Variants in TMOD1 observed in about 807,000 individuals in gnomAD.
The protein encoded by TMOD1 is tropomodulin 1.
TMOD1 carries 17 observed loss-of-function variants against 40.6 expected under a neutral mutation model. The ratio of observed to expected loss-of-function variants is 0.42; its 90% CI spans 0.29 to 0.63. The LOEUF (loss-of-function observed/expected upper bound fraction) is 0.63, where lower values mean the gene tolerates loss of function less well. Ranked by LOEUF, TMOD1 falls within the 20% of genes least tolerant of loss-of-function variation. TMOD1 has a pLI of 0.22. For missense variants in TMOD1, 391 were observed against 447.6 expected (o/e 0.87, Z 1.14); for synonymous variants, 181 against 175.0 (o/e 1.03, Z -0.27).
chr9:97,585,008 A>G (rs1825839735), intron 8 of TMOD1, among the ~76,000 whole-genome samples: 1 of 152,150 alleles, frequency 6.6e-6, no homozygotes, highest in African/African-American at 2.4e-5. Flanking sequence ...ATTTACATTT[A>G]AAGTTAATAT....
intron 8 of TMOD1, among the ~76,000 whole-genome samples, chr9:97,588,863 A>G (rs1486809647): frequency 4.6e-5 from 7 of 152,270 alleles, no homozygotes; most frequent in South Asian, 2.1e-4. Context: ...GCTCACGCCT[A>G]TGATCCCAGA....
At chr9:97,555,601 T>C (rs1830525165) in intron 4 of TMOD1, 12 of 1,549,910 alleles carry the variant, frequency 7.7e-6, no homozygotes, top group East Asian at 2.4e-5. Context: ...CAGTGTTAAC[T>C]GGCTAACCTT....
In TMOD1 at chr9:97,508,442, G is replaced by A. The variant is rs151081386; in HGVS notation, c.-49+6639G>A. On this transcript the variant is annotated intron_variant, in intron 1 of 9. Coordinates refer to ENST00000259365, the MANE Select transcript of TMOD1 (RefSeq NM_003275.4). ...TGACCTCAGGTGATCCACCCACCTC[G>A]GCCTCCCACAGTGCTGGAATTACAG... 8.8e-3 allele frequency among the ~76,000 whole-genome samples: 1,336 copies of A among 152,122 alleles called. 19 individuals carry two copies. Among genetic ancestry groups the A allele is most frequent in the African/African-American group, 0.031 (1,280 of 41,486 alleles).
chr9:97,594,292 A>G (rs1826060315), intron 9 of TMOD1, among the ~76,000 whole-genome samples: 1 of 152,252 alleles, frequency 6.6e-6, no homozygotes, highest in Admixed American at 6.5e-5. Flanking sequence ...ATTTGCGCCC[A>G]TCTGCTAATT....
intron 6 of TMOD1, 61 bp from the exon 7 acceptor site, chr9:97,565,787 T>A: frequency 7.3e-7 from 1 of 1,369,696 alleles, no homozygotes; most frequent in East Asian, 2.3e-5. Flanking sequence ...CTAATCCACC[T>A]GCCTCAGCCT....
At chr9:97,567,100 A>T (rs76762685) in intron 7 of TMOD1, among the ~76,000 whole-genome samples, 24,405 of 152,288 alleles carry the variant, frequency 0.16, 2,439 homozygotes, top group Middle Eastern at 0.36. Flanking sequence ...GTGTTCTTTC[A>T]TATTTTTGAA....
At chr9:97,515,735 G>A (rs1194745667) in intron 1 of TMOD1, among the ~76,000 whole-genome samples, 1 of 152,050 alleles carries the variant, frequency 6.6e-6, no homozygotes, top group Non-Finnish European at 1.5e-5. Context: ...TTTACACAGG[G>A]GATCCTTAGG....
At chr9:97,596,403 T>C (rs1826111909) in intron 9 of TMOD1, among the ~76,000 whole-genome samples, 1 of 152,206 alleles carries the variant, frequency 6.6e-6, no homozygotes, top group South Asian at 2.1e-4. Context: ...CTCTTAATAA[T>C]AGCTGACTCT....
intron 4 of TMOD1, among the ~76,000 whole-genome samples, chr9:97,556,456 A>C (rs1030982240): frequency 6.6e-6 from 1 of 152,078 alleles, no homozygotes; most frequent in African/African-American, 2.4e-5. Flanking sequence ...TGGGACCAAG[A>C]GTGTGGGTAA....
In TMOD1 at chr9:97,539,026, AAAAC is replaced by A. The variant is rs371839859; in HGVS notation, c.121-7143_121-7140del. 4.1e-3 allele frequency among the ~76,000 whole-genome samples: 615 copies of A among 150,492 alleles called. 1 individual carries two copies. The highest frequency in any genetic ancestry group is 7.8e-3 in the Non-Finnish European group (529 of 67,622). Reference sequence around the variant, plus strand: ...TCTCAAAAACAAAACAAAACAAAACAAAACAAACAAACAAACAAAACAGATCAAC... The same window carrying A: ...TCTCAAAAACAAAACAAAACAAAACAAAACAAACAAACAAAACAGATCAAC... On this transcript the variant is annotated intron_variant, in intron 2 of 9. Transcript: ENST00000259365.
chr9:97,524,351 G>C (rs1829966072), intron 2 of TMOD1, 43 bp downstream of exon 2: 1 of 1,597,184 alleles, frequency 6.3e-7, no homozygotes, highest in Admixed American at 1.8e-5. Context: ...CTAGCGAGGG[G>C]ACCTGGGGAG....
At chr9:97,560,136 AT>A (rs1041723363) in intron 4 of TMOD1, among the ~76,000 whole-genome samples, 1 of 106,744 alleles carries the variant, frequency 9.4e-6, no homozygotes, top group East Asian at 2.7e-4. Flanking sequence ...TGACTTGGAT[AT>A]TTTTTAAAAA....
intron 2 of TMOD1, among the ~76,000 whole-genome samples, chr9:97,524,917 G>T (rs114079623): frequency 6.6e-6 from 1 of 151,850 alleles, no homozygotes; most frequent in African/African-American, 2.4e-5. Context: ...TCAAATATTG[G>T]TCTCATCCAG....
At chr9:97,574,565 G>A (rs2773355) in intron 8 of TMOD1, among the ~76,000 whole-genome samples, 20 of 152,100 alleles carry the variant, frequency 1.3e-4, no homozygotes, top group Non-Finnish European at 2.5e-4. Flanking sequence ...TGCGGGCGCA[G>A]GGCGCGGGAC....
At chr9:97,539,136 C>A (rs1830237378) in intron 2 of TMOD1, among the ~76,000 whole-genome samples, 1 of 152,164 alleles carries the variant, frequency 6.6e-6, no homozygotes. Flanking sequence ...TTTTTAATTT[C>A]TCTTTGTGGG....
At chr9:97,573,349 C>A (rs1830851491) in intron 8 of TMOD1, among the ~76,000 whole-genome samples, 1 of 152,210 alleles carries the variant, frequency 6.6e-6, no homozygotes, top group Non-Finnish European at 1.5e-5. Flanking sequence ...AGATTCCCCA[C>A]TTTTTATTCC....
intron 8 of TMOD1, among the ~76,000 whole-genome samples, chr9:97,576,930 C>T (rs546777037): frequency 9.2e-5 from 14 of 152,206 alleles, no homozygotes; most frequent in African/African-American, 2.9e-4. Flanking sequence ...TGAGCCATCG[C>T]GCCTGGCCCA....
chr9:97,573,995 T>C (rs746131465), intron 8 of TMOD1, among the ~76,000 whole-genome samples: 28 of 152,194 alleles, frequency 1.8e-4, no homozygotes, highest in Non-Finnish European at 3.8e-4. Flanking sequence ...ATTATCTATA[T>C]TATTTTGTGT....
In TMOD1 at chr9:97,601,457, G is replaced by A; in HGVS notation, c.*1759G>A. On this transcript the variant is annotated 3_prime_UTR_variant, in exon 10 of 10. Transcript: ENST00000259365. ...CAGAGAGAACATTTAAAAGCTCAGA[G>A]AGTAAGTGCTGGGGAAAGCAGAGCT... The A allele has an allele frequency of 9.9e-7, 1 of 1,014,468 alleles. No homozygotes were observed. 62.8% of individuals were successfully genotyped at this position (1,014,468 alleles called of 1,614,324 possible).
Sources: gnomAD v4.1 joint callset for allele counts (sites outside exome capture counted in the v4.1 genomes callset) on GRCh38, gnomAD v4.1.1 for gene constraint, MANE v1.5 for transcripts, NCBI Gene and HGNC (gene_info 2026-07-23, HGNC 2026-07-21) for gene names.